Variants in SPRY3 observed in about 807,000 individuals in gnomAD.
The protein encoded by SPRY3 is sprouty RTK signaling antagonist 3, also known as protein sprouty homolog 3.
Under a neutral mutation model 20.2 loss-of-function variants are expected in SPRY3, and 15 were observed. That is an observed-to-expected ratio of 0.74 (90% CI 0.50 to 1.14). The LOEUF (loss-of-function observed/expected upper bound fraction) is 1.14, where lower values mean the gene tolerates loss of function less well. Among genes scored for constraint, SPRY3 ranks in the 50% most tolerant of loss-of-function variants. The pLI, the probability that SPRY3 is intolerant of heterozygous loss-of-function variation, is 0.00. For missense variants in SPRY3, 364 were observed against 363.9 expected (o/e 1.00, Z 0.00); for synonymous variants, 143 against 136.5 (o/e 1.05, Z -0.33).
At chrX:155,709,871 C>T (rs1022740056) in intron 2 of SPRY3, among the ~76,000 whole-genome samples, 1 of 151,696 alleles carries the variant, frequency 6.6e-6, no homozygotes, top group African/African-American at 2.4e-5. Flanking sequence ...GTTCATTCTT[C>T]TGCTTATGTA....
At chrX:155,780,273 C>A (rs143195664), downstream of SPRY3, 2,786 of 167,036 alleles carry the variant, frequency 0.017, 91 homozygotes, top group East Asian at 0.15. Flanking sequence ...CTGGAAGCTC[C>A]CAGGTCCTTG....
intron 2 of SPRY3, among the ~76,000 whole-genome samples, chrX:155,725,300 C>G (rs1349036807): frequency 6.6e-6 from 1 of 152,126 alleles, no homozygotes; most frequent in African/African-American, 2.4e-5. Context: ...GTGCCTCTGC[C>G]AGGCTTTGGT....
chrX:155,675,947 C>T (rs1333643949), intron 2 of SPRY3, among the ~76,000 whole-genome samples: 1 of 111,600 alleles, frequency 9.0e-6, no homozygotes, highest in Non-Finnish European at 1.9e-5. Flanking sequence ...CATGTTCATT[C>T]CTGGTAATCA....
chrX:155,718,556 A>G (rs751339178), intron 2 of SPRY3, among the ~76,000 whole-genome samples: 1 of 152,164 alleles, frequency 6.6e-6, no homozygotes, highest in Non-Finnish European at 1.5e-5. Flanking sequence ...AATGAGACAA[A>G]AGGGTGTTTG....
rs774658787 is a variant in SPRY3, at chrX:155,724,822, C to A, written c.-281-43140C>A. On this transcript the variant is annotated intron_variant, in intron 2 of 3. Transcript: ENST00000675360. ...GAATACCATTTATTTCTTTCTCTTG[C>A]CTGATTGCCCTGGCCAGAACTTCCA... Among the ~76,000 whole-genome samples, 57 of 152,234 alleles carry A rather than the reference C, an allele frequency of 3.7e-4. 1 individual carries two copies. The highest frequency in any genetic ancestry group is 1.3e-3 in the African/African-American group (55 of 41,548).
rs181325456 is a variant in SPRY3, at chrX:155,722,565, C to A, written c.-281-45397C>A. Among the ~76,000 whole-genome samples the A allele has an allele frequency of 9.2e-5, 14 of 151,810 alleles. No individual in the cohort carries two copies. The East Asian group carries it at 2.7e-3, about 29-fold the overall frequency. ...AAAGCAAGAAATTAAATCATATTAA[C>A]CGAGAAAATTAACCTTCACATGAAA... On this transcript the variant is annotated intron_variant, in intron 2 of 3. Coordinates refer to ENST00000675360, the Ensembl canonical transcript of SPRY3.
chrX:155,661,098 C>T (rs1317467936), intron 2 of SPRY3, among the ~76,000 whole-genome samples: 14 of 111,006 alleles, frequency 1.3e-4, no homozygotes, highest in East Asian at 2.8e-4. Flanking sequence ...TTTTTAGTCT[C>T]GATTGTGTAA....
At chrX:155,777,124 A>C (rs968541227), downstream of SPRY3, 1 of 167,022 alleles carries the variant, frequency 6.0e-6, no homozygotes, top group Non-Finnish European at 1.5e-5. Context: ...ATCTACCCTG[A>C]AAAGCTCTGC....
chrX:155,758,376 G>C (rs767113510), intron 2 of SPRY3, among the ~76,000 whole-genome samples: 5 of 152,260 alleles, frequency 3.3e-5, no homozygotes, highest in African/African-American at 9.6e-5. Flanking sequence ...GAACCACTTT[G>C]TCCCTCCCTC....
intron 2 of SPRY3, among the ~76,000 whole-genome samples, chrX:155,760,860 A>G (rs2091301328): frequency 6.6e-6 from 1 of 151,808 alleles, no homozygotes; most frequent in African/African-American, 2.4e-5. Flanking sequence ...CAGGCCGCCG[A>G]CCCCTACCGG....
At chrX:155,751,533 T>C (rs1297986187) in intron 2 of SPRY3, among the ~76,000 whole-genome samples, 1 of 151,876 alleles carries the variant, frequency 6.6e-6, no homozygotes, top group Non-Finnish European at 1.5e-5. Context: ...AGAACATAAG[T>C]CATATTCCTA....
chrX:155,728,435 A>C (rs1195184562), intron 2 of SPRY3, among the ~76,000 whole-genome samples: 2 of 152,218 alleles, frequency 1.3e-5, no homozygotes, highest in Non-Finnish European at 2.9e-5. Context: ...CTATATAGGC[A>C]GTAGGCCTTG....
At chrX:155,711,702 A>C (rs1366367046) in intron 2 of SPRY3, among the ~76,000 whole-genome samples, 1 of 141,652 alleles carries the variant, frequency 7.1e-6, no homozygotes, top group Non-Finnish European at 1.6e-5. Flanking sequence ...TTTTTTTGCT[A>C]TTTATTTTTA....
At chrX:155,724,129 G>C (rs1406717842) in intron 2 of SPRY3, among the ~76,000 whole-genome samples, 2 of 152,050 alleles carry the variant, frequency 1.3e-5, no homozygotes, top group African/African-American at 4.8e-5. Context: ...CCTCTGTTCT[G>C]TTCCATTGGT....
At chrX:155,671,664 T>TA (rs1557354760) in intron 2 of SPRY3, among the ~76,000 whole-genome samples, 1 of 110,941 alleles carries the variant, frequency 9.0e-6, no homozygotes. Flanking sequence ...TATAAAACCT[T>TA]AAGACAGTTT....
At chrX:155,773,851 G>A (rs776700457) in exon 4 of SPRY3, 1 of 1,606,240 alleles carries the variant, frequency 6.2e-7, no homozygotes, top group Non-Finnish European at 8.5e-7. Context: ...AAACCACTCA[G>A]AGCTAAAAAA....
At chrX:155,769,366 C>A (rs2091367287) in intron 3 of SPRY3, among the ~76,000 whole-genome samples, 1 of 152,062 alleles carries the variant, frequency 6.6e-6, no homozygotes, top group South Asian at 2.1e-4. Flanking sequence ...ACAAACCCAA[C>A]ATAAAATTTA....
intron 2 of SPRY3, among the ~76,000 whole-genome samples, chrX:155,664,159 C>T (rs1233156026): frequency 9.1e-6 from 1 of 110,233 alleles, no homozygotes; most frequent in African/African-American, 3.3e-5. Context: ...AAAAGTGTTT[C>T]CTCTTGAAGA....
At chrX:155,655,913 A>G (rs2067990875) in intron 1 of SPRY3, among the ~76,000 whole-genome samples, 1 of 111,953 alleles carries the variant, frequency 8.9e-6, no homozygotes, top group Non-Finnish European at 1.9e-5. Context: ...TATTTTCTTT[A>G]AGAATGTTGA....
Sources: allele counts gnomAD v4.1 joint callset (sites outside exome capture counted in the v4.1 genomes callset), GRCh38; gene constraint gnomAD v4.1.1; transcripts MANE v1.5; gene names NCBI Gene and HGNC (gene_info 2026-07-23, HGNC 2026-07-21).